Variants in TPPP observed in about 807,000 individuals in gnomAD.
TPPP encodes tubulin polymerization-promoting protein.
Under a neutral mutation model 15.5 loss-of-function variants are expected in TPPP, and 6 were observed. The observed-to-expected ratio is 0.39, with a 90% confidence interval of 0.21 to 0.77. The LOEUF (loss-of-function observed/expected upper bound fraction) is 0.77. Ranked by LOEUF, TPPP falls within the 30% of genes least tolerant of loss-of-function variation. TPPP has a pLI of 0.42. For missense variants in TPPP, 269 were observed against 307.2 expected, an observed-to-expected ratio of 0.88 and a Z score of 0.93; for synonymous variants, 146 against 133.9, an observed-to-expected ratio of 1.09 and a Z score of -0.63.
intron 2 of TPPP, among the ~76,000 whole-genome samples, chr5:673,503 G>GCC (rs1740293916): frequency 1.3e-5 from 2 of 152,072 alleles, no homozygotes; most frequent in Non-Finnish European, 2.9e-5. Flanking sequence ...CCCTCAGGCC[G>GCC]GAGTCCCAGT....
intron 1 of TPPP, among the ~76,000 whole-genome samples, chr5:684,677 C>A (rs1406018472): frequency 6.6e-6 from 1 of 152,184 alleles, no homozygotes; most frequent in Non-Finnish European, 1.5e-5. Context: ...CTGCCATGCC[C>A]AGGGTGGACA....
chr5:675,533 G>A lies in TPPP; in HGVS notation c.311+2217C>T, dbSNP rs138409811. ...GTGTGACCAGGGGTGCAGTGTGGCCGGGGATGCCGTGTGGCCGGGGGTGCA... is the reference window on the plus strand; with the variant it reads ...GTGTGACCAGGGGTGCAGTGTGGCCAGGGATGCCGTGTGGCCGGGGGTGCA... On this transcript the variant is annotated intron_variant, in intron 2 of 3. Transcript: ENST00000360578. 1.2e-3 allele frequency among the ~76,000 whole-genome samples: 161 copies of A among 137,720 alleles called. 1 individual carries two copies. The highest frequency in any genetic ancestry group is 4.5e-3 in the Middle Eastern group (1 of 224). The allele number at this position is 137,720 out of a possible 152,430, so 90.3% of individuals were successfully genotyped here. A position where few individuals can be genotyped will look rare whatever the true frequency, so the allele number is the denominator to read the frequency against.
upstream of TPPP, among the ~76,000 whole-genome samples, chr5:696,415 C>A (rs1173195205): frequency 4.1e-5 from 6 of 144,740 alleles, no homozygotes; most frequent in Admixed American, 1.4e-4. Context: ...TGTCAGGTGT[C>A]CACCCACCCC....
Position 665,972 on chromosome 5 carries a change from T to A in TPPP, c.463A>T (p.Thr155Ser). The change falls in exon 3 of 4, where the codon ACG (threonine) becomes TCG (serine). Residue 155 changes from threonine (T) to serine (S), a missense_variant and splice_region_variant. Thr to Ser is a moderately conservative substitution (Grantham distance 58). Transcript: ENST00000360578. ...EGKAPIISGVTKAISSPTVSR... is the reference protein window; with the variant it reads ...EGKAPIISGVSKAISSPTVSR... ...CCTTCCATCCCCGCCCTGCTCACCG[T>A]CACCCCTGAGATGATGGGCGCCTTG... 2 of 1,295,832 alleles carry A rather than the reference T, an allele frequency of 1.5e-6. No individual in the cohort carries two copies. Among genetic ancestry groups the A allele is most frequent in the Non-Finnish European group, 2.0e-6 (2 of 995,134 alleles). The allele number at this position is 1,295,832 out of a possible 1,614,324, so 80.3% of individuals were successfully genotyped here.
chr5:667,593 C>T (rs1739974459), intron 2 of TPPP, among the ~76,000 whole-genome samples: 1 of 152,172 alleles, frequency 6.6e-6, no homozygotes, highest in African/African-American at 2.4e-5. Context: ...AAACTCTGCT[C>T]TCAGAAGACA....
upstream of TPPP, among the ~76,000 whole-genome samples, chr5:697,875 G>A (rs7712022): frequency 0.073 from 10,425 of 142,484 alleles, 1,158 homozygotes; most frequent in African/African-American, 0.26. Context: ...AGACAAAGGC[G>A]CAACAAAAAA....
At chr5:698,182 A>C (rs899306375), upstream of TPPP, among the ~76,000 whole-genome samples, 2 of 151,456 alleles carry the variant, frequency 1.3e-5, no homozygotes, top group Non-Finnish European at 2.9e-5. Context: ...TAAAAGCCTC[A>C]TATGACAGAT....
Position 664,873 on chromosome 5 carries a change from T to G in TPPP, c.*229A>C, listed in dbSNP as rs1580070192. 1 of 562,946 alleles carries G rather than the reference T, an allele frequency of 1.8e-6. No homozygotes were observed. 34.9% of individuals were successfully genotyped at this position (562,946 alleles called of 1,614,324 possible). A position where few individuals can be genotyped will look rare whatever the true frequency, so the allele number is the denominator to read the frequency against. On this transcript the variant is annotated 3_prime_UTR_variant, in exon 4 of 4. Coordinates refer to ENST00000360578, the MANE Select transcript of TPPP (RefSeq NM_007030.3). ...GAAATGGCTGAGGACGAGGCAGGTG[T>G]ATTAGGAGGGTCAGCGAACTGGGGC...
At chr5:688,447 C>A (rs2126913973) in intron 1 of TPPP, among the ~76,000 whole-genome samples, 2 of 151,406 alleles carry the variant, frequency 1.3e-5, no homozygotes, top group South Asian at 4.2e-4. Context: ...CACGTGGCTT[C>A]TGGTTAAAGG....
the TPPP span, among the ~76,000 whole-genome samples, chr5:699,559 G>C: frequency 2.5e-4 from 38 of 152,022 alleles, no homozygotes; most frequent in Admixed American, 2.5e-3. Context: ...ATTGGCCTAG[G>C]CAAAGAATTT....
upstream of TPPP, among the ~76,000 whole-genome samples, chr5:694,244 G>T (rs1321628360): frequency 3.3e-5 from 5 of 151,750 alleles, no homozygotes; most frequent in Non-Finnish European, 7.4e-5. Flanking sequence ...CAAGGTTCCG[G>T]GGCCGAGATG....
chr5:681,259 G>A (rs409832), intron 1 of TPPP, among the ~76,000 whole-genome samples: 32,765 of 152,162 alleles, frequency 0.22, 3,878 homozygotes, highest in East Asian at 0.36. Flanking sequence ...CTCTTTCACC[G>A]TGAGGGAAAA....
At chr5:692,612 G>T (rs1172599871) in intron 1 of TPPP, 1 of 983,492 alleles carries the variant, frequency 1.0e-6, no homozygotes, top group Non-Finnish European at 1.2e-6. Context: ...GGGCTCCTCA[G>T]ATCTTCGGGC....
chr5:699,927 T>G, the TPPP span, among the ~76,000 whole-genome samples: 2 of 151,828 alleles, frequency 1.3e-5, no homozygotes, highest in South Asian at 4.2e-4. Context: ...ATGGCTATTA[T>G]TAAAGTCTAA....
chr5:692,848 C>T (rs1399523123), intron 1 of TPPP: 5 of 930,190 alleles, frequency 5.4e-6, no homozygotes, highest in African/African-American at 2.1e-5. Context: ...CCCTCCACGC[C>T]CTAATTTCCC....
chr5:699,689 T>C, the TPPP span, among the ~76,000 whole-genome samples: 2 of 151,432 alleles, frequency 1.3e-5, no homozygotes, highest in Non-Finnish European at 1.5e-5. Context: ...ACCTGCAGAA[T>C]GGGAAAATAT....
At chr5:698,945 A>G in the TPPP span, among the ~76,000 whole-genome samples, 2 of 152,002 alleles carry the variant, frequency 1.3e-5, no homozygotes, top group African/African-American at 4.8e-5. Flanking sequence ...TTACCTAGAT[A>G]TATATTTAAC....
intron 2 of TPPP, among the ~76,000 whole-genome samples, chr5:671,082 C>G (rs982464808): frequency 1.3e-5 from 2 of 152,234 alleles, no homozygotes; most frequent in African/African-American, 4.8e-5. Flanking sequence ...GAAGCCCCCA[C>G]ACAGCCGGTC....
chr5:665,383 C>T, intron 3 of TPPP, 87 bp from the exon 4 acceptor site: 1 of 1,313,988 alleles, frequency 7.6e-7, no homozygotes, highest in Non-Finnish European at 1.0e-6. Context: ...GGGCAGGTCT[C>T]CCAGCGGTGG....
Sources: gnomAD v4.1 joint callset for allele counts (sites outside exome capture counted in the v4.1 genomes callset) on GRCh38, gnomAD v4.1.1 for gene constraint, MANE v1.5 for transcripts, NCBI Gene and HGNC (gene_info 2026-07-23, HGNC 2026-07-21) for gene names.